SUPT3H: variants seen among roughly 807,000 people sequenced by gnomAD.
SUPT3H encodes SPT3 homolog, SAGA and STAGA complex component.
A neutral mutation model predicts 44.3 loss-of-function variants in SUPT3H; 44 were observed. That is an observed-to-expected ratio of 0.99 (90% CI 0.78 to 1.28). The LOEUF (loss-of-function observed/expected upper bound fraction) is 1.28. Ranked by LOEUF, SUPT3H falls within the 50% of genes most tolerant of loss-of-function variation. The pLI, the probability that SUPT3H is intolerant of heterozygous loss-of-function variation, is 0.00. For missense variants in SUPT3H, 380 were observed against 387.1 expected (o/e 0.98, Z 0.15); for synonymous variants, 124 against 125.6 (o/e 0.99, Z 0.09).
chr6:44,973,441 A>G (rs982328840), intron 6 of SUPT3H, among the ~76,000 whole-genome samples: 1 of 152,232 alleles, frequency 6.6e-6, no homozygotes, highest in African/African-American at 2.4e-5. Context: ...AAAGCCATTC[A>G]ACAAGTCTGT....
chr6:44,970,992 G>C (rs910049428), intron 6 of SUPT3H, among the ~76,000 whole-genome samples: 14 of 152,280 alleles, frequency 9.2e-5, no homozygotes, highest in African/African-American at 3.4e-4. Context: ...TGTGAAAAGG[G>C]AAGCCTGTCA....
chr6:44,817,730 T>C (rs1767004537), intron 11 of SUPT3H, among the ~76,000 whole-genome samples: 1 of 152,108 alleles, frequency 6.6e-6, no homozygotes, highest in Non-Finnish European at 1.5e-5. Context: ...AATTTAAATA[T>C]TTCTTATAAC....
At chr6:45,087,800 A>T (rs1330448374) in intron 3 of SUPT3H, among the ~76,000 whole-genome samples, 1 of 151,948 alleles carries the variant, frequency 6.6e-6, no homozygotes, top group Non-Finnish European at 1.5e-5. Context: ...TGTACTTATG[A>T]AATCATGTAT....
chr6:45,070,152 A>G (rs756691398), intron 3 of SUPT3H, among the ~76,000 whole-genome samples: 3 of 152,162 alleles, frequency 2.0e-5, no homozygotes, highest in African/African-American at 7.2e-5. Flanking sequence ...ATCCAATGAT[A>G]TATCATTGGA....
chr6:44,982,056 C>T (rs948583956), intron 6 of SUPT3H, among the ~76,000 whole-genome samples: 1 of 151,526 alleles, frequency 6.6e-6, no homozygotes, highest in African/African-American at 2.4e-5. Flanking sequence ...CAAAGCAAAG[C>T]AAAACAAAAG....
In SUPT3H at chr6:45,124,607, T is replaced by G. The variant is rs539091708; in HGVS notation, c.102-18601A>C. On this transcript the variant is annotated intron_variant, in intron 2 of 10. Coordinates refer to ENST00000371459, the MANE Select transcript of SUPT3H (RefSeq NM_003599.4). ...TTGCAGCAAGCTGAGATTGCAGCAC[T>G]GCACTCCAGGCTAACAGAGACTCCA... Among the ~76,000 whole-genome samples the G allele has an allele frequency of 1.8e-4, 27 of 149,594 alleles. No individual in the cohort carries two copies. The South Asian group carries it at 5.8e-3, about 32-fold the overall frequency.
At chr6:45,286,885 A>G (rs1779379174) in intron 2 of SUPT3H, among the ~76,000 whole-genome samples, 1 of 152,226 alleles carries the variant, frequency 6.6e-6, no homozygotes. Flanking sequence ...AATGTGGCAC[A>G]TACACACCAT....
At chr6:45,266,583 T>C (rs1256385485) in intron 2 of SUPT3H, among the ~76,000 whole-genome samples, 1 of 151,974 alleles carries the variant, frequency 6.6e-6, no homozygotes, top group Non-Finnish European at 1.5e-5. Flanking sequence ...TATTAAATTA[T>C]TAAATATTAT....
intron 10 of SUPT3H, among the ~76,000 whole-genome samples, chr6:44,861,273 C>T (rs1774613009): frequency 2.6e-5 from 4 of 152,022 alleles, no homozygotes; most frequent in African/African-American, 7.3e-5. Flanking sequence ...ATGGGGTCTT[C>T]CTATGTTGCC....
intron 2 of SUPT3H, among the ~76,000 whole-genome samples, chr6:45,287,697 T>G (rs1195928322): frequency 6.6e-6 from 1 of 152,180 alleles, no homozygotes; most frequent in Non-Finnish European, 1.5e-5. Context: ...GGTGTAATGA[T>G]TATGCAATGT....
intron 2 of SUPT3H, among the ~76,000 whole-genome samples, chr6:45,331,392 A>AC (rs1353742572): frequency 3.9e-5 from 6 of 152,102 alleles, no homozygotes; most frequent in African/African-American, 9.6e-5. Flanking sequence ...CTGATTTCCA[A>AC]AACAGCAATT....
At chr6:45,245,643 T>C (rs558960302) in intron 2 of SUPT3H, among the ~76,000 whole-genome samples, 1 of 152,296 alleles carries the variant, frequency 6.6e-6, no homozygotes, top group East Asian at 1.9e-4. Context: ...TAAATAATAT[T>C]CCATTTCATG....
chr6:44,960,782 T>TA, intron 7 of SUPT3H, among the ~76,000 whole-genome samples: 1 of 152,308 alleles, frequency 6.6e-6, no homozygotes, highest in African/African-American at 2.4e-5. Context: ...GCCAAGTTGT[T>TA]AGTCAAATTG....
intron 10 of SUPT3H, among the ~76,000 whole-genome samples, chr6:44,868,780 T>G (rs916403914): frequency 1.3e-5 from 2 of 152,214 alleles, no homozygotes; most frequent in African/African-American, 2.4e-5. Flanking sequence ...AAGACAAACA[T>G]CAGGATAGAT....
chr6:44,826,956 T>C lies in SUPT3H; in HGVS notation c.*2860A>G, dbSNP rs149525797. On this transcript the variant is annotated 3_prime_UTR_variant, in exon 11 of 11. Transcript: ENST00000371459. ...AAACAGTATTTTTGAATCACAACGA[T>C]TACAATCTAAGAAGGCAGGAAAGCT... Among the ~76,000 whole-genome samples the C allele has an allele frequency of 3.6e-3, 548 of 152,288 alleles. 8 individuals carry two copies. The highest frequency in any genetic ancestry group is 0.012 in the African/African-American group (512 of 41,580).
intron 10 of SUPT3H, among the ~76,000 whole-genome samples, chr6:44,888,742 C>G (rs534429190): frequency 1.3e-5 from 2 of 152,130 alleles, no homozygotes; most frequent in Non-Finnish European, 2.9e-5. Flanking sequence ...TCCTATTCAA[C>G]ATAGTGTTGG....
At chr6:45,172,758 A>G (rs1404291775) in intron 2 of SUPT3H, among the ~76,000 whole-genome samples, 1 of 151,786 alleles carries the variant, frequency 6.6e-6, no homozygotes. Context: ...TGCCCAGCTA[A>G]TTTTTGTATT....
At chr6:44,905,942 A>G (rs1355081611) in intron 10 of SUPT3H, among the ~76,000 whole-genome samples, 3 of 151,980 alleles carry the variant, frequency 2.0e-5, no homozygotes, top group Non-Finnish European at 2.9e-5. Flanking sequence ...ACCAAACACC[A>G]CATGTTCTCA....
chr6:45,113,586 G>C, intron 2 of SUPT3H, among the ~76,000 whole-genome samples: 1 of 152,060 alleles, frequency 6.6e-6, no homozygotes, highest in East Asian at 1.9e-4. Context: ...AGCACTTTGG[G>C]AGGCCAAGGT....
Sources: gnomAD v4.1 joint callset for allele counts (sites outside exome capture counted in the v4.1 genomes callset) on GRCh38, gnomAD v4.1.1 for gene constraint, MANE v1.5 for transcripts, NCBI Gene and HGNC (gene_info 2026-07-23, HGNC 2026-07-21) for gene names.